Variants in DNAJC15 observed in about 807,000 individuals in gnomAD.
DNAJC15 encodes DnaJ heat shock protein family (Hsp40) member C15.
DNAJC15 carries 27 observed loss-of-function variants against 22.4 expected under a neutral mutation model. The ratio of observed to expected loss-of-function variants is 1.20; its 90% confidence interval spans 0.89 to 1.66. The LOEUF (loss-of-function observed/expected upper bound fraction) is 1.66. Ranked by LOEUF, DNAJC15 falls within the 40% of genes most tolerant of loss-of-function variation. DNAJC15 has a pLI of 0.00. For missense variants in DNAJC15, 208 were observed against 187.1 expected, an observed-to-expected ratio of 1.11 and a Z score of -0.65; for synonymous variants, 79 against 63.2, an observed-to-expected ratio of 1.25 and a Z score of -1.19.
intron 1 of DNAJC15, among the ~76,000 whole-genome samples, chr13:43,050,519 G>C (rs1466316019): frequency 1.3e-5 from 2 of 151,418 alleles, no homozygotes; most frequent in Non-Finnish European, 2.9e-5. Context: ...CTCACTCCTG[G>C]GCTAAATCAG....
intron 1 of DNAJC15, among the ~76,000 whole-genome samples, chr13:43,062,020 TGA>T (rs1019222645): frequency 1.6e-4 from 24 of 152,344 alleles, no homozygotes; most frequent in Admixed American, 1.1e-3. Flanking sequence ...TATGTAGTGA[TGA>T]TTTTATCAGT....
chr13:43,070,795 C>T (rs775770455), intron 3 of DNAJC15, among the ~76,000 whole-genome samples: 7 of 152,062 alleles, frequency 4.6e-5, no homozygotes, highest in Non-Finnish European at 7.4e-5. Context: ...TTACCTTAAG[C>T]GTGAAAGAAA....
chr13:43,107,383 T>A lies in DNAJC15; in HGVS notation c.*135T>A, dbSNP rs1432445638. ...ACAGTCTTATCTTCCACCATTAAGC[T>A]GTATAACAATAAAATGTTAATAGTC... On this transcript the variant is annotated 3_prime_UTR_variant, in exon 6 of 6. Transcript: ENST00000379221. The A allele has an allele frequency of 1.8e-6, 1 of 571,294 alleles. No individual in the cohort carries two copies. The highest frequency in any genetic ancestry group is 2.8e-6 in the Non-Finnish European group (1 of 361,662). The allele number at this position is 571,294 out of a possible 1,614,324, so 35.4% of individuals were successfully genotyped here.
At chr13:43,078,300 T>C (rs1273112289) in intron 3 of DNAJC15, among the ~76,000 whole-genome samples, 1 of 152,182 alleles carries the variant, frequency 6.6e-6, no homozygotes, top group African/African-American at 2.4e-5. Flanking sequence ...GGTTATCCAA[T>C]GAGAAAAGTA....
rs557075252 is a variant in DNAJC15 at position 43,077,320 on chromosome 13, A to T, written c.235-1292A>T. On this transcript the variant is annotated intron_variant, in intron 3 of 5. Coordinates refer to ENST00000379221, the MANE Select transcript of DNAJC15 (RefSeq NM_013238.3). Reference sequence around the variant, plus strand: ...TGGAAAGCAGAGTGAGATAAAGATTAGCAAGCTATACTTTTATTAAAGAGT... The same window carrying T: ...TGGAAAGCAGAGTGAGATAAAGATTTGCAAGCTATACTTTTATTAAAGAGT... 3.9e-5 allele frequency among the ~76,000 whole-genome samples: 6 copies of T among 152,358 alleles called. No homozygotes were observed. In the East Asian group the frequency reaches 1.2e-3, roughly 29 times the overall value.
chr13:43,106,494 G>A lies in DNAJC15; in HGVS notation c.383-684G>A, dbSNP rs565422515. On this transcript the variant is annotated intron_variant, in intron 5 of 5. Coordinates refer to ENST00000379221, the MANE Select transcript of DNAJC15 (RefSeq NM_013238.3). ...ATTCATTGCAAAGAACTCTAAAAAA[G>A]AACTGACTTAATTTTATTTTTTGCA... Among the ~76,000 whole-genome samples the A allele has an allele frequency of 2.0e-5, 3 of 152,064 alleles. No individual in the cohort carries two copies. In the South Asian group the frequency reaches 6.2e-4, roughly 32 times the overall value.
intron 1 of DNAJC15, 75 bp downstream of exon 1, chr13:43,023,809 C>A: frequency 1.5e-6 from 2 of 1,353,832 alleles, no homozygotes; most frequent in Non-Finnish European, 2.0e-6. Flanking sequence ...TACCGCCTCA[C>A]CCTTGAACCT....
chr13:43,045,142 CTTCTGGCTA>C (rs1287962381), intron 1 of DNAJC15, among the ~76,000 whole-genome samples: 3 of 152,138 alleles, frequency 2.0e-5, no homozygotes, highest in African/African-American at 7.2e-5. Context: ...GCACACTGGC[CTTCTGGCTA>C]TTCGTTAGGC....
rs34398144 is a variant in DNAJC15 at position 43,024,893 on chromosome 13, T to TAAAAAAAAAAAA, written c.108+1166_108+1177dup. On this transcript the variant is annotated intron_variant, in intron 1 of 5. Transcript: ENST00000379221. ...GCAACACAGGAGACCCCATCTCTGC[T>TAAAAAAAAAAAA]AAAAAAAAAAAAAAAAAATTAGCTG... Among the ~76,000 whole-genome samples the TAAAAAAAAAAAA allele has an allele frequency of 8.1e-5, 7 of 85,950 alleles. 1 individual carries two copies. Among genetic ancestry groups the TAAAAAAAAAAAA allele is most frequent in the Admixed American group, 1.3e-4 (1 of 7,728 alleles). 56.4% of individuals were successfully genotyped at this position (85,950 alleles called of 152,430 possible). A position where few individuals can be genotyped will look rare whatever the true frequency, so the allele number is the denominator to read the frequency against.
rs528778228 is a variant in DNAJC15 at position 43,053,118 on chromosome 13, G to T, written c.109-12568G>T. Among the ~76,000 whole-genome samples, 3 of 152,284 alleles carry T rather than the reference G, an allele frequency of 2.0e-5. No homozygotes were observed. The East Asian group carries it at 5.8e-4, about 29-fold the overall frequency. On this transcript the variant is annotated intron_variant, in intron 1 of 5. Transcript: ENST00000379221. The stretch of plus-strand genomic sequence containing the variant: ...AGGATCCAGTTTCATTCTTCCACAT[G>T]TGGCTTGCCAGTTATCTCAGCACCA...
chr13:43,074,808 T>G (rs748347310), intron 3 of DNAJC15, among the ~76,000 whole-genome samples: 2 of 152,208 alleles, frequency 1.3e-5, no homozygotes, highest in Non-Finnish European at 2.9e-5. Context: ...TAAATACAGT[T>G]GACCCTTGAA....
At chr13:43,079,750 C>A (rs2040653050) in intron 4 of DNAJC15, among the ~76,000 whole-genome samples, 1 of 152,028 alleles carries the variant, frequency 6.6e-6, no homozygotes, top group Non-Finnish European at 1.5e-5. Context: ...TTGAGGATAT[C>A]CTTTAATATT....
intron 5 of DNAJC15, among the ~76,000 whole-genome samples, chr13:43,097,422 G>C (rs540138748): frequency 6.6e-4 from 101 of 152,294 alleles, no homozygotes; most frequent in Middle Eastern, 6.8e-3. Flanking sequence ...CTAAATGATA[G>C]AGTGGCTTGC....
chr13:43,028,243 T>C (rs2153439330), intron 1 of DNAJC15, among the ~76,000 whole-genome samples: 1 of 152,312 alleles, frequency 6.6e-6, no homozygotes. Context: ...AAAATGTAGC[T>C]CATTATAGTC....
rs2040743546 is a variant in DNAJC15 at position 43,097,114 on chromosome 13, A to C, written c.383-10064A>C. ...AATGCCCATGATGTCATGGATCATA[A>C]GTGCTTTGAAGAAAAAGCAGAGCAT... is the stretch of plus-strand genomic sequence containing the variant. On this transcript the variant is annotated intron_variant, in intron 5 of 5. Transcript: ENST00000379221. 1.3e-5 allele frequency among the ~76,000 whole-genome samples: 2 copies of C among 152,224 alleles called. 1 individual carries two copies. The highest frequency in any genetic ancestry group is 4.1e-4 in the South Asian group (2 of 4,834).
At position 43,110,513 on chromosome 13, in the gene DNAJC15, A is replaced by G. The variant is rs1346797758; in HGVS notation, c.*3265A>G. The G allele has an allele frequency of 6.6e-6, 1 of 152,198 alleles. No individual in the cohort carries two copies. Among genetic ancestry groups the G allele is most frequent in the Non-Finnish European group, 1.5e-5 (1 of 68,036 alleles). The allele number at this position is 152,198 out of a possible 1,614,324, so 9.4% of individuals were successfully genotyped here. A position where few individuals can be genotyped will look rare whatever the true frequency, so the allele number is the denominator to read the frequency against. Reference sequence around the variant, plus strand: ...GCATTACTTAAGAACAAAGTCAGGCATGTATAATTGAACTACAGTTACTTG... The same window carrying G: ...GCATTACTTAAGAACAAAGTCAGGCGTGTATAATTGAACTACAGTTACTTG... On this transcript the variant is annotated 3_prime_UTR_variant, in exon 6 of 6. Coordinates refer to ENST00000379221, the MANE Select transcript of DNAJC15 (RefSeq NM_013238.3).
intron 5 of DNAJC15, among the ~76,000 whole-genome samples, chr13:43,091,067 TA>T (rs2040712524): frequency 6.6e-6 from 1 of 151,812 alleles, no homozygotes; most frequent in East Asian, 1.9e-4. Flanking sequence ...AGATTCAATT[TA>T]TTTTATTTTT....
rs1410573495 is a variant in DNAJC15, at chr13:43,112,404, A to G, written c.*5156A>G. 3.3e-5 allele frequency: 5 copies of G among 152,220 alleles called. No individual in the cohort carries two copies. The highest frequency in any genetic ancestry group is 4.8e-5 in the African/African-American group (2 of 41,460). The allele number at this position is 152,220 out of a possible 1,614,324, so 9.4% of individuals were successfully genotyped here. On this transcript the variant is annotated 3_prime_UTR_variant, in exon 6 of 6. Transcript: ENST00000379221. The stretch of plus-strand genomic sequence containing the variant: ...CTTAATTTCACACGGGTGGAATATG[A>G]TCACTCAGGCTAGATGTTGGCCATA...
Position 43,082,844 on chromosome 13 carries a change from C to CTA in DNAJC15, c.312-2909_312-2908dup, listed in dbSNP as rs3043164. On this transcript the variant is annotated intron_variant, in intron 4 of 5. Transcript: ENST00000379221. ...TACAATGGTTCAGCAGAACATTCAC[C>CTA]TATATATATATATATACACACATAT... Among the ~76,000 whole-genome samples, 552 of 124,452 alleles carry CTA rather than the reference C, an allele frequency of 4.4e-3. 4 individuals carry two copies. Among genetic ancestry groups the CTA allele is most frequent in the East Asian group, 0.013 (63 of 4,744 alleles). 81.6% of individuals were successfully genotyped at this position (124,452 alleles called of 152,430 possible). A position where few individuals can be genotyped will look rare whatever the true frequency, so the allele number is the denominator to read the frequency against.
Sources: allele counts gnomAD v4.1 joint callset (sites outside exome capture counted in the v4.1 genomes callset), GRCh38; gene constraint gnomAD v4.1.1; transcripts MANE v1.5; gene names NCBI Gene and HGNC (gene_info 2026-07-23, HGNC 2026-07-21).